CNTN4: variants seen among roughly 807,000 people sequenced by gnomAD.
CNTN4 encodes contactin-4.
In CNTN4, 77 loss-of-function variants were observed where a neutral mutation model predicts 122.5. That is an observed-to-expected ratio of 0.63 (90% confidence interval 0.52 to 0.76). The LOEUF (loss-of-function observed/expected upper bound fraction) is 0.76. Ranked by LOEUF, CNTN4 falls within the 30% of genes least tolerant of loss-of-function variation. The pLI is 0.00. For missense variants in CNTN4, 1,256 were observed against 1,259.1 expected (o/e 1.00, Z 0.04); for synonymous variants, 512 against 447.0 (o/e 1.15, Z -1.83).
At position 2,414,604 on chromosome 3, in the gene CNTN4, G is replaced by A. The variant is rs552549076; in HGVS notation, c.-89+75371G>A. Among the ~76,000 whole-genome samples, 214 of 152,118 alleles carry A rather than the reference G, an allele frequency of 1.4e-3. 2 individuals carry two copies. The highest frequency in any genetic ancestry group is 4.9e-3 in the African/African-American group (205 of 41,520). On this transcript the variant is annotated intron_variant, in intron 3 of 24. Coordinates refer to ENST00000418658, the MANE Select transcript of CNTN4 (RefSeq NM_175607.3). ...TATATTATCAGAAACAAATGAATATGATCATAGTAGATTATAAAGGAAAAC... is the reference window on the plus strand; with the variant it reads ...TATATTATCAGAAACAAATGAATATAATCATAGTAGATTATAAAGGAAAAC...
At chr3:3,043,470 A>T (rs1206143412) in intron 22 of CNTN4, 122 bp from the exon 23 acceptor site, 2 of 780,282 alleles carry the variant, frequency 2.6e-6, no homozygotes, top group Admixed American at 2.0e-5. Flanking sequence ...GACCTTGAAG[A>T]CACATATTAG....
At chr3:2,890,896 C>G (rs576206791) in intron 10 of CNTN4, among the ~76,000 whole-genome samples, 2 of 152,152 alleles carry the variant, frequency 1.3e-5, no homozygotes, top group African/African-American at 4.8e-5. Flanking sequence ...TAAAAACTTC[C>G]TAAAAATAGA....
chr3:2,475,962 C>T (rs1461265377), intron 3 of CNTN4, among the ~76,000 whole-genome samples: 1 of 152,148 alleles, frequency 6.6e-6, no homozygotes, highest in Non-Finnish European at 1.5e-5. Flanking sequence ...AAAAGGTGTT[C>T]TTGAGGACTG....
chr3:2,834,093 C>T (rs1247264633), intron 7 of CNTN4, among the ~76,000 whole-genome samples: 1 of 151,976 alleles, frequency 6.6e-6, no homozygotes, highest in Non-Finnish European at 1.5e-5. Flanking sequence ...TTGCAGTAAG[C>T]CGAGATCGCC....
chr3:2,309,151 C>T (rs762179355), intron 2 of CNTN4, among the ~76,000 whole-genome samples: 2 of 151,912 alleles, frequency 1.3e-5, no homozygotes, highest in Non-Finnish European at 2.9e-5. Context: ...TTTTTAGGTG[C>T]GTGTAAGTTT....
At chr3:2,147,619 A>G (rs1453129871) in intron 2 of CNTN4, among the ~76,000 whole-genome samples, 1 of 152,068 alleles carries the variant, frequency 6.6e-6, no homozygotes, top group Admixed American at 6.5e-5. Context: ...GGTCTTTCTC[A>G]GTCAGTGCTT....
At chr3:2,258,807 A>T (rs891829601) in intron 2 of CNTN4, among the ~76,000 whole-genome samples, 4 of 151,928 alleles carry the variant, frequency 2.6e-5, no homozygotes, top group African/African-American at 7.2e-5. Flanking sequence ...TATTATTTAT[A>T]TATTGATTTC....
intron 2 of CNTN4, among the ~76,000 whole-genome samples, chr3:2,229,528 A>G (rs911521513): frequency 1.4e-4 from 21 of 152,218 alleles, no homozygotes; most frequent in East Asian, 3.8e-4. Context: ...CCGAATATTC[A>G]TATAGTTACG....
intron 2 of CNTN4, among the ~76,000 whole-genome samples, chr3:2,218,439 G>A (rs891286822): frequency 1.3e-5 from 2 of 152,094 alleles, no homozygotes; most frequent in Admixed American, 6.6e-5. Context: ...AGGATCCCTC[G>A]AGCCTGGGAG....
intron 6 of CNTN4, among the ~76,000 whole-genome samples, chr3:2,779,390 G>T (rs1346868452): frequency 6.6e-6 from 1 of 152,088 alleles, no homozygotes; most frequent in Non-Finnish European, 1.5e-5. Context: ...GTAGAGGCTG[G>T]GTTTCACCAT....
At chr3:2,371,854 A>T (rs552156011) in intron 3 of CNTN4, among the ~76,000 whole-genome samples, 1 of 152,234 alleles carries the variant, frequency 6.6e-6, no homozygotes, top group Non-Finnish European at 1.5e-5. Context: ...TTCCTCTGGC[A>T]GGCAGTGATT....
In CNTN4 at chr3:2,736,433, T is replaced by TTTTA. The variant is rs1218546693; in HGVS notation, c.182+104_182+107dup. 5 of 752,436 alleles carry TTTTA rather than the reference T, an allele frequency of 6.6e-6. No individual in the cohort carries two copies. In the East Asian group the frequency reaches 1.6e-4, roughly 24 times the overall value. 46.6% of individuals were successfully genotyped at this position (752,436 alleles called of 1,614,324 possible). A position where few individuals can be genotyped will look rare whatever the true frequency, so the allele number is the denominator to read the frequency against. On this transcript the variant is annotated intron_variant, in intron 5 of 24. Coordinates refer to ENST00000418658, the MANE Select transcript of CNTN4 (RefSeq NM_175607.3). ...ATACAATGCTGGTTACATAAAGAGC[T>TTTTA]TTTATTTATTTATTTTATTTTATTT... is the stretch of plus-strand genomic sequence containing the variant.
At chr3:2,524,633 A>G (rs1385425600) in intron 3 of CNTN4, among the ~76,000 whole-genome samples, 3 of 152,144 alleles carry the variant, frequency 2.0e-5, no homozygotes, top group Non-Finnish European at 4.4e-5. Context: ...TGAACAAAGG[A>G]ACTATCCCTC....
At chr3:2,198,028 G>GAAA (rs5846169) in intron 2 of CNTN4, among the ~76,000 whole-genome samples, 11 of 138,088 alleles carry the variant, frequency 8.0e-5, no homozygotes, top group African/African-American at 2.5e-4. Context: ...ACTCTCTCTG[G>GAAA]AAAAAAAAAA....
At chr3:2,681,188 C>G (rs2085145847) in intron 4 of CNTN4, among the ~76,000 whole-genome samples, 1 of 152,176 alleles carries the variant, frequency 6.6e-6, no homozygotes, top group African/African-American at 2.4e-5. Flanking sequence ...ACATAAATAT[C>G]TAATTTAATA....
intron 3 of CNTN4, among the ~76,000 whole-genome samples, chr3:2,503,174 A>T (rs11129166): frequency 5.9e-5 from 9 of 151,912 alleles, no homozygotes; most frequent in Admixed American, 5.3e-4. Context: ...TGTTGGGGAA[A>T]GTGGGATTGA....
intron 2 of CNTN4, among the ~76,000 whole-genome samples, chr3:2,197,418 C>G (rs1028463136): frequency 2.0e-5 from 3 of 152,204 alleles, no homozygotes; most frequent in Non-Finnish European, 4.4e-5. Context: ...TCTGCATTTA[C>G]AATTTATTGA....
At chr3:2,696,147 G>A (rs1216771769) in intron 4 of CNTN4, among the ~76,000 whole-genome samples, 1 of 152,210 alleles carries the variant, frequency 6.6e-6, no homozygotes, top group Non-Finnish European at 1.5e-5. Context: ...TACGGCCAAG[G>A]ACTTTATTCA....
intron 3 of CNTN4, among the ~76,000 whole-genome samples, chr3:2,399,112 G>T (rs1377418010): frequency 1.3e-5 from 2 of 151,912 alleles, no homozygotes; most frequent in African/African-American, 4.8e-5. Flanking sequence ...AAAAAAGAAA[G>T]AAAAGAGAAA....
Sources: allele counts gnomAD v4.1 joint callset (sites outside exome capture counted in the v4.1 genomes callset), GRCh38; gene constraint gnomAD v4.1.1; transcripts MANE v1.5; gene names NCBI Gene and HGNC (gene_info 2026-07-23, HGNC 2026-07-21).